Variants in ZNF385D observed in about 807,000 individuals in gnomAD.
The protein encoded by ZNF385D is zinc finger protein 385D.
A neutral mutation model predicts 35.8 loss-of-function variants in ZNF385D; 15 were observed. The ratio of observed to expected loss-of-function variants is 0.42; its 90% CI spans 0.28 to 0.64. The LOEUF (loss-of-function observed/expected upper bound fraction) is 0.64. Among genes scored for constraint, ZNF385D ranks in the 30% least tolerant of loss-of-function variants. ZNF385D has a pLI of 0.23. For synonymous variants in ZNF385D, 212 were observed against 186.8 expected (o/e 1.13, Z -1.10); for missense variants, 474 against 494.6 (o/e 0.96, Z 0.39).
chr3:22,062,353 G>A (rs1699733109), intron 3 of ZNF385D, among the ~76,000 whole-genome samples: 1 of 152,070 alleles, frequency 6.6e-6, no homozygotes, highest in Non-Finnish European at 1.5e-5. Flanking sequence ...CTTGCGCCCA[G>A]CCTGTTGGTA....
intron 2 of ZNF385D, among the ~76,000 whole-genome samples, chr3:21,583,169 CAATATAAACTAT>C (rs2063715487): frequency 6.6e-6 from 1 of 152,052 alleles, no homozygotes; most frequent in Admixed American, 6.5e-5. Context: ...ATATAAACTA[CAATATAAACTAT>C]AAAAACGAAA....
At chr3:21,913,869 T>C (rs772616231) in intron 3 of ZNF385D, among the ~76,000 whole-genome samples, 1 of 152,110 alleles carries the variant, frequency 6.6e-6, no homozygotes, top group Non-Finnish European at 1.5e-5. Flanking sequence ...TCATCAGTAG[T>C]TGTTAAAATT....
At chr3:21,681,316 A>AAAAAAAC (rs2066899004) in intron 1 of ZNF385D, among the ~76,000 whole-genome samples, 1 of 141,676 alleles carries the variant, frequency 7.1e-6, no homozygotes, top group South Asian at 2.3e-4. Context: ...AAAAAAAAAA[A>AAAAAAAC]AAAAAAAACC....
At chr3:22,295,220 A>G (rs1018667442) in intron 2 of ZNF385D, among the ~76,000 whole-genome samples, 8 of 152,198 alleles carry the variant, frequency 5.3e-5, no homozygotes, top group African/African-American at 1.9e-4. Flanking sequence ...AGAGGCTGTG[A>G]AAATTATAGT....
chr3:21,502,819 T>A (rs116626840), intron 4 of ZNF385D, among the ~76,000 whole-genome samples: 2,412 of 152,300 alleles, frequency 0.016, 59 homozygotes, highest in African/African-American at 0.055. Flanking sequence ...TTGACCAATC[T>A]GAAGCATGTC....
At chr3:21,955,270 G>A (rs1576001706) in intron 3 of ZNF385D, among the ~76,000 whole-genome samples, 1 of 152,136 alleles carries the variant, frequency 6.6e-6, no homozygotes, top group African/African-American at 2.4e-5. Flanking sequence ...GAGGAAGCAG[G>A]TGATATAGGA....
At chr3:22,138,269 C>T (rs545269568) in intron 3 of ZNF385D, among the ~76,000 whole-genome samples, 2 of 152,242 alleles carry the variant, frequency 1.3e-5, no homozygotes, top group Admixed American at 1.3e-4. Context: ...TCAATGCCAT[C>T]CCCATCAAGC....
chr3:21,948,654 A>C (rs1418102780), intron 3 of ZNF385D, among the ~76,000 whole-genome samples: 2 of 151,718 alleles, frequency 1.3e-5, no homozygotes, highest in Non-Finnish European at 2.9e-5. Context: ...AATTCATTAG[A>C]TTCTGCTATA....
At chr3:22,159,023 AAC>A (rs1269460079) in intron 3 of ZNF385D, among the ~76,000 whole-genome samples, 2 of 152,048 alleles carry the variant, frequency 1.3e-5, no homozygotes, top group African/African-American at 4.8e-5. Flanking sequence ...ATAGATAGGA[AAC>A]ACAGGGACTG....
At chr3:21,781,238 G>A (rs527844381) in intron 3 of ZNF385D, among the ~76,000 whole-genome samples, 2 of 152,096 alleles carry the variant, frequency 1.3e-5, no homozygotes, top group African/African-American at 4.8e-5. Flanking sequence ...GGAAAAGAAG[G>A]AGCTTTAGGA....
intron 2 of ZNF385D, among the ~76,000 whole-genome samples, chr3:22,320,891 A>T (rs1694378905): frequency 6.6e-6 from 1 of 151,940 alleles, no homozygotes; most frequent in South Asian, 2.1e-4. Flanking sequence ...AATTTTGTAC[A>T]TTTTAAATAT....
intron 3 of ZNF385D, among the ~76,000 whole-genome samples, chr3:21,819,728 A>T (rs961512939): frequency 1.4e-5 from 2 of 145,202 alleles, no homozygotes; most frequent in African/African-American, 5.0e-5. Context: ...ATACACATGT[A>T]CGTGTGTATA....
chr3:22,154,441 G>T (rs769817741), intron 3 of ZNF385D, among the ~76,000 whole-genome samples: 7 of 152,106 alleles, frequency 4.6e-5, no homozygotes, highest in Non-Finnish European at 7.4e-5. Context: ...GCTTCACCAC[G>T]TAAGAAAACA....
chr3:22,076,196 C>G (rs1700454264), intron 3 of ZNF385D, among the ~76,000 whole-genome samples: 1 of 151,826 alleles, frequency 6.6e-6, no homozygotes, highest in Admixed American at 6.6e-5. Context: ...TCTTGTAACT[C>G]ACCAATTCAA....
In ZNF385D at chr3:22,143,188, T is replaced by C. The variant is rs146940480; in HGVS notation, c.325+25629A>G. 6.6e-3 allele frequency among the ~76,000 whole-genome samples: 991 copies of C among 150,558 alleles called. 11 individuals carry two copies. Among genetic ancestry groups the C allele is most frequent in the African/African-American group, 0.021 (877 of 41,236 alleles). On this transcript the variant is annotated intron_variant, in intron 3 of 5. Coordinates refer to the ZNF385D transcript ENST00000494108. The stretch of plus-strand genomic sequence containing the variant: ...AGCTCCGCCTCCCAAGTTCACTCCA[T>C]TCTCCTGCCTCAGCCTCCGGAGTAG...
At chr3:22,266,943 T>C (rs1019831480) in intron 2 of ZNF385D, among the ~76,000 whole-genome samples, 3 of 151,964 alleles carry the variant, frequency 2.0e-5, no homozygotes, top group Non-Finnish European at 2.9e-5. Flanking sequence ...TCCGAGGATA[T>C]GTAACGACAA....
chr3:21,565,902 ATAT>A (rs2063128999), intron 2 of ZNF385D, among the ~76,000 whole-genome samples: 1 of 152,182 alleles, frequency 6.6e-6, no homozygotes, highest in South Asian at 2.1e-4. Flanking sequence ...CTTCTGTGAC[ATAT>A]TATAGTTCAT....
At chr3:21,462,069 A>G (rs1703214651) in intron 4 of ZNF385D, among the ~76,000 whole-genome samples, 1 of 152,174 alleles carries the variant, frequency 6.6e-6, no homozygotes, top group African/African-American at 2.4e-5. Flanking sequence ...CTGAAGTTTG[A>G]CAGTTTGGCA....
chr3:22,200,005 C>T (rs944461848), intron 2 of ZNF385D, among the ~76,000 whole-genome samples: 3 of 151,980 alleles, frequency 2.0e-5, no homozygotes, highest in Admixed American at 2.0e-4. Flanking sequence ...AAAATAGGCA[C>T]TAATATTTTT....
Sources: allele counts gnomAD v4.1 joint callset (sites outside exome capture counted in the v4.1 genomes callset), GRCh38; gene constraint gnomAD v4.1.1; transcripts MANE v1.5; gene names NCBI Gene and HGNC (gene_info 2026-07-23, HGNC 2026-07-21).